Variants in CCNY observed in about 807,000 individuals in gnomAD.
CCNY encodes cyclin-Y.
Under a neutral mutation model 42.8 loss-of-function variants are expected in CCNY, and 19 were observed. The observed-to-expected ratio is 0.44, with a 90% confidence interval of 0.31 to 0.65. CCNY has a LOEUF of 0.65. CCNY is among the 30% of genes least tolerant of loss of function. The pLI is 0.07. For missense variants in CCNY, 370 were observed against 437.3 expected (o/e 0.85, Z 1.37); for synonymous variants, 165 against 162.7 (o/e 1.01, Z -0.11).
chr10:35,348,063 C>CT (rs1354306431), intron 1 of CCNY, among the ~76,000 whole-genome samples: 2 of 152,118 alleles, frequency 1.3e-5, no homozygotes, highest in South Asian at 2.1e-4. Flanking sequence ...TTTCCACAGC[C>CT]TTTTTTCCCT....
intron 1 of CCNY, among the ~76,000 whole-genome samples, chr10:35,446,369 A>G (rs1030932421): frequency 2.0e-5 from 3 of 152,222 alleles, no homozygotes; most frequent in Non-Finnish European, 4.4e-5. Flanking sequence ...AAGATACTGG[A>G]CACACATGCT....
chr10:35,295,947 A>C (rs1196694429), intron 3 of CCNY, among the ~76,000 whole-genome samples: 3 of 152,222 alleles, frequency 2.0e-5, no homozygotes, highest in African/African-American at 7.2e-5. Flanking sequence ...AATGAAATTG[A>C]GGCAGAAATC....
intron 3 of CCNY, among the ~76,000 whole-genome samples, chr10:35,315,845 A>G (rs1426269417): frequency 6.6e-6 from 1 of 152,110 alleles, no homozygotes; most frequent in Non-Finnish European, 1.5e-5. Flanking sequence ...TTAATTATGT[A>G]CATTCATAAT....
At chr10:35,523,597 C>T (rs529431048) in intron 4 of CCNY, among the ~76,000 whole-genome samples, 24 of 152,258 alleles carry the variant, frequency 1.6e-4, no homozygotes, top group Middle Eastern at 6.8e-3. Flanking sequence ...GGTCTTAAGC[C>T]GTGATAATAT....
chr10:35,477,293 C>G (rs1839536821), intron 1 of CCNY, among the ~76,000 whole-genome samples: 2 of 151,730 alleles, frequency 1.3e-5, no homozygotes, highest in Admixed American at 1.3e-4. Context: ...TTTATGAGGC[C>G]AGCATCATTC....
intron 4 of CCNY, among the ~76,000 whole-genome samples, chr10:35,523,097 G>A (rs1840581597): frequency 6.6e-6 from 1 of 152,154 alleles, no homozygotes; most frequent in African/African-American, 2.4e-5. Flanking sequence ...AATTCCCAGA[G>A]GATAGGTTGT....
intron 1 of CCNY, among the ~76,000 whole-genome samples, chr10:35,439,579 A>G (rs1354164462): frequency 1.4e-5 from 2 of 146,630 alleles, no homozygotes; most frequent in East Asian, 4.0e-4. Context: ...GTCCTTGTTC[A>G]TTGAAGAGTC....
rs118034034 is a variant in CCNY, at chr10:35,300,130, C to T, written c.-9+49504C>T. Among the ~76,000 whole-genome samples the T allele has an allele frequency of 9.3e-3, 1,411 of 152,284 alleles. 17 individuals carry two copies. The highest frequency in any genetic ancestry group is 0.015 in the Non-Finnish European group (1,027 of 68,026). ...CTAGTAGATGCTCTTTGCTTGGCCT[C>T]GCAGAGTTTTACGTTGTGCGTGAGC... On this transcript the variant is annotated intron_variant, in intron 3 of 11. Coordinates refer to the CCNY transcript ENST00000374706.
At chr10:35,473,395 A>G (rs1839430755) in intron 1 of CCNY, among the ~76,000 whole-genome samples, 1 of 152,156 alleles carries the variant, frequency 6.6e-6, no homozygotes, top group African/African-American at 2.4e-5. Context: ...TTTAAATTTT[A>G]TAAGTTCTTC....
chr10:35,410,796 A>T (rs4934751), intron 1 of CCNY, among the ~76,000 whole-genome samples: 43,549 of 152,028 alleles, frequency 0.29, 6,550 homozygotes, highest in East Asian at 0.35. Flanking sequence ...GTGTCATTGG[A>T]GGGCTGGGTT....
At chr10:35,412,910 G>A (rs1358097926) in intron 1 of CCNY, among the ~76,000 whole-genome samples, 1 of 149,832 alleles carries the variant, frequency 6.7e-6, no homozygotes, top group African/African-American at 2.5e-5. Flanking sequence ...GCGGGCAAGA[G>A]GATGTGGATC....
chr10:35,445,873 A>AT (rs1184935513), intron 1 of CCNY, among the ~76,000 whole-genome samples: 1 of 152,088 alleles, frequency 6.6e-6, no homozygotes, highest in Non-Finnish European at 1.5e-5. Context: ...TTGCTTTATC[A>AT]TTTTTTTCTT....
intron 1 of CCNY, among the ~76,000 whole-genome samples, chr10:35,416,193 G>GTC (rs1838021427): frequency 6.6e-6 from 1 of 151,708 alleles, no homozygotes; most frequent in Admixed American, 6.6e-5. Flanking sequence ...GTGTGTGTGT[G>GTC]TCCTTGTAGG....
chr10:35,254,629 C>T (rs962515599), intron 3 of CCNY, among the ~76,000 whole-genome samples: 6 of 151,870 alleles, frequency 4.0e-5, no homozygotes, highest in Non-Finnish European at 4.4e-5. Context: ...GAGTTCAAGA[C>T]CAGCCTGGAC....
intron 1 of CCNY, among the ~76,000 whole-genome samples, chr10:35,482,004 G>C (rs564758991): frequency 7.2e-5 from 11 of 152,286 alleles, no homozygotes; most frequent in Middle Eastern, 3.4e-3. Flanking sequence ...AATACAAGAA[G>C]GATCAGATAA....
intron 1 of CCNY, among the ~76,000 whole-genome samples, chr10:35,352,205 C>T (rs1369932065): frequency 6.6e-6 from 1 of 152,110 alleles, no homozygotes; most frequent in African/African-American, 2.4e-5. Flanking sequence ...TTCAGTTTGA[C>T]ATTCTTGCTA....
At chr10:35,368,592 T>C (rs1163853630) in intron 1 of CCNY, among the ~76,000 whole-genome samples, 1 of 145,296 alleles carries the variant, frequency 6.9e-6, no homozygotes, top group Non-Finnish European at 1.5e-5. Context: ...CCACATTTCG[T>C]GGTGTTTTTG....
At chr10:35,279,657 G>A (rs1835277401) in intron 3 of CCNY, among the ~76,000 whole-genome samples, 1 of 152,150 alleles carries the variant, frequency 6.6e-6, no homozygotes, top group South Asian at 2.1e-4. Flanking sequence ...TTCAAATGGA[G>A]GCACCTGGAC....
At chr10:35,424,959 A>G (rs3013360) in intron 1 of CCNY, among the ~76,000 whole-genome samples, 8,051 of 152,224 alleles carry the variant, frequency 0.053, 312 homozygotes, top group African/African-American at 0.11. Flanking sequence ...AAACAGAATC[A>G]TGGTTTCTGC....
Sources: gnomAD v4.1 joint callset for allele counts (sites outside exome capture counted in the v4.1 genomes callset) on GRCh38, gnomAD v4.1.1 for gene constraint, MANE v1.5 for transcripts, NCBI Gene and HGNC (gene_info 2026-07-23, HGNC 2026-07-21) for gene names.